The following TTC7A variants were observed in gnomAD, a reference collection of about 807,000 sequenced individuals.
TTC7A encodes tetratricopeptide repeat domain 7A.
TTC7A carries 110 observed loss-of-function variants against 103.7 expected under a neutral mutation model. The ratio of observed to expected loss-of-function variants is 1.06; its 90% confidence interval spans 0.91 to 1.24. TTC7A has a LOEUF of 1.24. TTC7A is among the 50% of genes most tolerant of loss of function. The pLI is 0.00. For missense variants in TTC7A, 1,340 were observed against 1,116.3 expected, an observed-to-expected ratio of 1.20 and a Z score of -2.86; for synonymous variants, 521 against 467.9, an observed-to-expected ratio of 1.11 and a Z score of -1.47.
intron 13 of TTC7A, among the ~76,000 whole-genome samples, 175 bp downstream of exon 13, chr2:47,023,640 C>T (rs951097786): frequency 5.3e-5 from 8 of 152,090 alleles, no homozygotes; most frequent in Non-Finnish European, 8.8e-5. Context: ...GGCAGGCAGC[C>T]GAGCCCTGCC....
At chr2:46,986,041 C>A (rs1263372901) in intron 5 of TTC7A, among the ~76,000 whole-genome samples, 2 of 152,300 alleles carry the variant, frequency 1.3e-5, no homozygotes, top group East Asian at 3.9e-4. Flanking sequence ...GAAATGGCTC[C>A]AGACATTGGC....
chr2:46,941,142 G>A (rs1218484936), upstream of TTC7A: 1 of 147,756 alleles, frequency 6.8e-6, no homozygotes, highest in Non-Finnish European at 1.5e-5. This position sits in a 1 kb window ranked among gnomAD's most constrained non-coding sequence, Gnocchi z 4.2. Context: ...GCTCGCCGAG[G>A]CCTCCCCACG....
At chr2:46,921,888 A>G (rs1022513006) in intron 2 of TTC7A, among the ~76,000 whole-genome samples, 5 of 146,412 alleles carry the variant, frequency 3.4e-5, no homozygotes, top group African/African-American at 1.3e-4. Context: ...GACAGGAGGC[A>G]TAGCTCAGGT....
chr2:47,008,631 C>G (rs1191991872), intron 10 of TTC7A, among the ~76,000 whole-genome samples: 1 of 152,174 alleles, frequency 6.6e-6, no homozygotes, highest in East Asian at 1.9e-4. Context: ...AAAGCATTCT[C>G]CACCCCCCTT....
At chr2:46,921,399 T>A (rs1669095611) in intron 2 of TTC7A, among the ~76,000 whole-genome samples, 1 of 152,220 alleles carries the variant, frequency 6.6e-6, no homozygotes, top group South Asian at 2.1e-4. Flanking sequence ...AATACCATTA[T>A]AATAGCATCC....
chr2:46,971,888 A>G (rs1482513494), intron 3 of TTC7A, among the ~76,000 whole-genome samples: 1 of 149,262 alleles, frequency 6.7e-6, no homozygotes, highest in Non-Finnish European at 1.5e-5. Flanking sequence ...GAAGGACAGC[A>G]CTCTCTAGTC....
chr2:47,064,626 A>C (rs1380499801), intron 19 of TTC7A, among the ~76,000 whole-genome samples: 1 of 152,176 alleles, frequency 6.6e-6, no homozygotes, highest in East Asian at 1.9e-4. Flanking sequence ...TCCCCTCTGC[A>C]CCAGGCACTT....
intron 8 of TTC7A, chr2:46,999,794 C>T: frequency 1.0e-6 from 1 of 985,442 alleles, no homozygotes; most frequent in Non-Finnish European, 1.2e-6. Context: ...CTAAAGTAAA[C>T]TGAACCCTTG....
chr2:47,005,299 A>G (rs1015923167), intron 8 of TTC7A, among the ~76,000 whole-genome samples: 1 of 152,266 alleles, frequency 6.6e-6, no homozygotes, highest in East Asian at 1.9e-4. Context: ...AGAAGAGGGC[A>G]CTGGGGGCCA....
intron 15 of TTC7A, among the ~76,000 whole-genome samples, chr2:47,042,862 G>A (rs1024277660): frequency 6.6e-6 from 1 of 152,214 alleles, no homozygotes. Context: ...TGGTGTTTTA[G>A]GCTCAGTTGG....
chr2:47,031,939 C>A (rs1232561665), intron 15 of TTC7A, among the ~76,000 whole-genome samples: 1 of 152,256 alleles, frequency 6.6e-6, no homozygotes, highest in African/African-American at 2.4e-5. Context: ...ACTCTCACCC[C>A]AGGGGTGCCT....
At chr2:46,974,935 G>T in intron 3 of TTC7A, 38 bp from the exon 4 acceptor site, 1 of 1,605,464 alleles carries the variant, frequency 6.2e-7, no homozygotes, top group South Asian at 1.1e-5. Context: ...CAGGGGGCCC[G>T]AGCAGGACAG....
At chr2:46,998,527 G>A (rs897387676) in intron 8 of TTC7A, among the ~76,000 whole-genome samples, 6 of 152,184 alleles carry the variant, frequency 3.9e-5, no homozygotes, top group Admixed American at 2.6e-4. Flanking sequence ...TCCTCATCCC[G>A]CTTTGATGTT....
At chr2:46,978,628 C>A (rs986830382) in intron 4 of TTC7A, 164 bp from the exon 5 acceptor site, 3 of 485,054 alleles carry the variant, frequency 6.2e-6, no homozygotes, top group Middle Eastern at 5.3e-4. Flanking sequence ...ATGCTTTAGA[C>A]ATATTTTGAG....
intron 2 of TTC7A, among the ~76,000 whole-genome samples, chr2:46,929,055 T>A (rs1669554495): frequency 6.6e-6 from 1 of 151,868 alleles, no homozygotes; most frequent in Admixed American, 6.6e-5. Flanking sequence ...CTCAGCTGTT[T>A]GGTAGGTTGA....
intron 15 of TTC7A, among the ~76,000 whole-genome samples, chr2:47,044,063 C>T (rs1021896887): frequency 6.6e-6 from 1 of 152,136 alleles, no homozygotes; most frequent in Non-Finnish European, 1.5e-5. Flanking sequence ...CCAGCCCAGC[C>T]CAGGGGACTT....
intron 3 of TTC7A, among the ~76,000 whole-genome samples, chr2:46,972,705 C>T (rs1229759401): frequency 3.3e-5 from 5 of 152,202 alleles, no homozygotes; most frequent in African/African-American, 1.2e-4. Context: ...CAGGCAGAGA[C>T]CTGAGCATGG....
At position 46,941,745 on chromosome 2, in the gene TTC7A, G is replaced by T; in HGVS notation, c.184+20G>T. ...ACACCGGTGAGTAAGGGAAGAGGCTGGCTCGCCGGCAGCGAGCGCGCGAAA... is the reference window on the plus strand; with the variant it reads ...ACACCGGTGAGTAAGGGAAGAGGCTTGCTCGCCGGCAGCGAGCGCGCGAAA... On this transcript the variant is annotated intron_variant, in intron 1 of 19. Transcript: ENST00000319190. This position sits in a 1 kb window ranked among gnomAD's most constrained non-coding sequence, Gnocchi z 4.2. The T allele has an allele frequency of 6.5e-7, 1 of 1,547,778 alleles. No individual in the cohort carries two copies. Among genetic ancestry groups the T allele is most frequent in the Non-Finnish European group, 8.7e-7 (1 of 1,145,924 alleles).
At chr2:47,001,230 C>T (rs760964113) in intron 8 of TTC7A, among the ~76,000 whole-genome samples, 24 of 152,222 alleles carry the variant, frequency 1.6e-4, no homozygotes, top group Non-Finnish European at 3.4e-4. Context: ...AGAGGAGAAA[C>T]AGGGCTGGGC....
Sources: gnomAD v4.1 joint callset for allele counts (sites outside exome capture counted in the v4.1 genomes callset) on GRCh38, gnomAD v4.1.1 for gene constraint, Gnocchi (gnomAD v3.1) non-coding constraint, MANE v1.5 for transcripts, NCBI Gene and HGNC (gene_info 2026-07-23, HGNC 2026-07-21) for gene names.